The following SIPA1L3 variants were observed in gnomAD, a reference collection of about 807,000 sequenced individuals.
SIPA1L3 encodes the protein signal induced proliferation associated 1 like 3.
In SIPA1L3, 59 loss-of-function variants were observed where a neutral mutation model predicts 150.1. The observed-to-expected ratio is 0.39, with a 90% CI of 0.32 to 0.49. SIPA1L3 has a LOEUF of 0.49. Among genes scored for constraint, SIPA1L3 ranks in the 20% least tolerant of loss-of-function variants. The probability of loss-of-function intolerance (pLI) is 0.86; values close to 1 mark genes in which losing one functional copy is unlikely to be tolerated. For missense variants in SIPA1L3, 2,211 were observed against 2,489.5 expected, an observed-to-expected ratio of 0.89 and a Z score of 2.38; for synonymous variants, 1,070 against 1,077.6, an observed-to-expected ratio of 0.99 and a Z score of 0.14.
intron 2 of SIPA1L3, among the ~76,000 whole-genome samples, chr19:38,032,280 A>C (rs1388052853): frequency 6.6e-6 from 1 of 152,160 alleles, no homozygotes; most frequent in African/African-American, 2.4e-5. Context: ...AAAAGCTCCC[A>C]AGTTCCAAGT....
intron 2 of SIPA1L3, among the ~76,000 whole-genome samples, chr19:38,070,253 A>G (rs1969688015): frequency 6.6e-6 from 1 of 150,522 alleles, no homozygotes; most frequent in Non-Finnish European, 1.5e-5. Context: ...TCTGTCACCC[A>G]GGCTGGAGTG....
At chr19:37,910,222 G>T (rs1015561379) in intron 1 of SIPA1L3, among the ~76,000 whole-genome samples, 10 of 152,182 alleles carry the variant, frequency 6.6e-5, no homozygotes, top group African/African-American at 1.9e-4. Flanking sequence ...TTTAATAAAA[G>T]AATTCAATAA....
intron 3 of SIPA1L3, among the ~76,000 whole-genome samples, chr19:38,088,343 C>T (rs185441687): frequency 6.1e-4 from 93 of 152,364 alleles, no homozygotes; most frequent in African/African-American, 2.1e-3. Context: ...GGACCATTTG[C>T]AAACACGGGA....
chr19:37,926,363 T>C (rs2046503775), intron 1 of SIPA1L3, among the ~76,000 whole-genome samples: 1 of 152,198 alleles, frequency 6.6e-6, no homozygotes, highest in South Asian at 2.1e-4. Flanking sequence ...GGACCTCACC[T>C]GGCTTCTGAT....
chr19:38,160,883 G>A (rs1231298888), intron 13 of SIPA1L3, among the ~76,000 whole-genome samples: 2 of 152,140 alleles, frequency 1.3e-5, no homozygotes, highest in Admixed American at 1.3e-4. Context: ...GAAACTGGCA[G>A]GTCATTGATG....
At chr19:38,119,115 G>A (rs190267068) in intron 8 of SIPA1L3, among the ~76,000 whole-genome samples, 191 bp from the exon 9 acceptor site, 3 of 152,296 alleles carry the variant, frequency 2.0e-5, no homozygotes, top group Admixed American at 1.3e-4. Flanking sequence ...AGGATTGCTT[G>A]AGGACAGGAG....
intron 5 of SIPA1L3, among the ~76,000 whole-genome samples, chr19:38,100,668 AAGGT>A (rs1970480411): frequency 6.6e-6 from 1 of 152,340 alleles, no homozygotes; most frequent in African/African-American, 2.4e-5. Flanking sequence ...CTCCCTAAAA[AAGGT>A]ATTGACTATA....
In SIPA1L3 at chr19:38,149,380, G is replaced by A. The variant is rs77977651; in HGVS notation, c.3534-3460G>A. Among the ~76,000 whole-genome samples, 1,003 of 152,164 alleles carry A rather than the reference G, an allele frequency of 6.6e-3. 34 individuals are homozygous for A. In the South Asian group the frequency reaches 0.11, roughly 16 times the overall value. On this transcript the variant is annotated intron_variant, in intron 12 of 21. Coordinates refer to ENST00000222345, the MANE Select transcript of SIPA1L3 (RefSeq NM_015073.3). Reference sequence around the variant, plus strand: ...AGCCTAAGCAATAGGGCAAGACTCCGTCTCAAAAAAACAAAAAAAGTCTTG... The same window carrying A: ...AGCCTAAGCAATAGGGCAAGACTCCATCTCAAAAAAACAAAAAAAGTCTTG...
At chr19:38,202,520 G>A (rs1001184944) in intron 20 of SIPA1L3, among the ~76,000 whole-genome samples, 2 of 152,010 alleles carry the variant, frequency 1.3e-5, no homozygotes, top group Non-Finnish European at 2.9e-5. Flanking sequence ...CCCGGGAGGC[G>A]AAGCTTGCAG....
chr19:38,020,230 C>A (rs1177172114), intron 1 of SIPA1L3, among the ~76,000 whole-genome samples: 2 of 152,106 alleles, frequency 1.3e-5, no homozygotes, highest in African/African-American at 4.8e-5. Context: ...ACTATTATCC[C>A]CATTTTGGAG....
Position 38,176,987 on chromosome 19 carries a change from C to CAACAAAAAAACAAACAAACA in SIPA1L3, c.4209-5522_4209-5503dup, listed in dbSNP as rs1600173871. ...ACTCCGTCTCAAAAAAACAAACAAACAACAAAAAAACAAACAAACAAACAA... is the reference window on the plus strand; with the variant it reads ...ACTCCGTCTCAAAAAAACAAACAAACAACAAAAAAACAAACAAACAAACAAAAAAACAAACAAACAAACAA... On this transcript the variant is annotated intron_variant, in intron 15 of 21. Transcript: ENST00000222345. Among the ~76,000 whole-genome samples the CAACAAAAAAACAAACAAACA allele has an allele frequency of 2.0e-5, 3 of 149,806 alleles. No individual in the cohort carries two copies. The East Asian group carries it at 6.0e-4, about 30-fold the overall frequency.
intron 1 of SIPA1L3, among the ~76,000 whole-genome samples, chr19:37,917,262 A>G (rs1472954348): frequency 6.6e-6 from 1 of 152,186 alleles, no homozygotes; most frequent in African/African-American, 2.4e-5. Flanking sequence ...ACCACATCGG[A>G]CAGCACTGGC....
chr19:38,013,194 G>C (rs1359398833), intron 1 of SIPA1L3, among the ~76,000 whole-genome samples: 1 of 152,192 alleles, frequency 6.6e-6, no homozygotes, highest in Non-Finnish European at 1.5e-5. Flanking sequence ...TAGCATCTCT[G>C]AGAGTTTGCC....
intron 1 of SIPA1L3, among the ~76,000 whole-genome samples, chr19:38,017,036 A>G (rs1240695704): frequency 1.3e-5 from 2 of 151,128 alleles, no homozygotes; most frequent in African/African-American, 4.9e-5. Context: ...AGCTGAGATT[A>G]CAGGGGCACA....
intron 1 of SIPA1L3, among the ~76,000 whole-genome samples, chr19:37,973,936 T>C (rs2145599754): frequency 6.6e-6 from 1 of 152,254 alleles, no homozygotes; most frequent in South Asian, 2.1e-4. Flanking sequence ...GAGGGATTGA[T>C]GTGTTGGCCT....
At chr19:37,991,714 C>G (rs1967513291) in intron 1 of SIPA1L3, among the ~76,000 whole-genome samples, 2 of 152,198 alleles carry the variant, frequency 1.3e-5, no homozygotes, top group Admixed American at 1.3e-4. Flanking sequence ...TCAAGACAGC[C>G]CTGTGACGGT....
Position 37,944,446 on chromosome 19 carries a change from C to T in SIPA1L3, c.-379+37088C>T, listed in dbSNP as rs758729234. 3.0e-4 allele frequency among the ~76,000 whole-genome samples: 45 copies of T among 152,136 alleles called. 1 individual carries two copies. The highest frequency in any genetic ancestry group is 1.0e-4 in the Non-Finnish European group (7 of 68,030). On this transcript the variant is annotated intron_variant, in intron 1 of 21. Coordinates refer to ENST00000222345, the MANE Select transcript of SIPA1L3 (RefSeq NM_015073.3). ...TGCCTGGGTTCAAGTCCTAGTATTG[C>T]TGTGTACTGACTGTGTGAACTTGGG...
rs1464656099 is a variant in SIPA1L3, at chr19:38,110,213, T to A, written c.2134-14T>A. On this transcript the variant is annotated splice_polypyrimidine_tract_variant and intron_variant, in intron 7 of 21. Transcript: ENST00000222345. ...TGTGACAGGTTCCTGTCCCCCTCTG[T>A]TGCCCTTTCCCAGCTGCTACGGAAG... 1 of 1,613,556 alleles carries A rather than the reference T, an allele frequency of 6.2e-7. No individual in the cohort carries two copies. The highest frequency in any genetic ancestry group is 1.1e-5 in the South Asian group (1 of 91,038).
At chr19:38,014,512 GC>G (rs1370616495) in intron 1 of SIPA1L3, among the ~76,000 whole-genome samples, 1 of 150,426 alleles carries the variant, frequency 6.6e-6, no homozygotes, top group Non-Finnish European at 1.5e-5. Context: ...AGCACACAGA[GC>G]CACCCGATGG....
Sources: gnomAD v4.1 joint callset for allele counts (sites outside exome capture counted in the v4.1 genomes callset) on GRCh38, gnomAD v4.1.1 for gene constraint, MANE v1.5 for transcripts, NCBI Gene and HGNC (gene_info 2026-07-23, HGNC 2026-07-21) for gene names.